NEB: variants seen among roughly 807,000 people sequenced by gnomAD.
The protein encoded by NEB is nebulin.
A neutral mutation model predicts 952.2 loss-of-function variants in NEB; 512 were observed. The observed-to-expected ratio is 0.54, with a 90% CI of 0.50 to 0.58. The LOEUF is 0.58. NEB is among the 20% of genes least tolerant of loss of function. The probability of loss-of-function intolerance (pLI) is 0.00; values close to 1 mark genes in which losing one functional copy is unlikely to be tolerated. For missense variants in NEB, 8,428 were observed against 9,231.1 expected (o/e 0.91, Z 3.56); for synonymous variants, 2,900 against 3,149.8 (o/e 0.92, Z 2.66).
At chr2:151,667,695 T>C (rs963694976) in intron 40 of NEB, 109 bp downstream of exon 40, 4 of 369,888 alleles carry the variant, frequency 1.1e-5, no homozygotes, top group African/African-American at 2.2e-5. Flanking sequence ...ATCTGGCTAA[T>C]TTTTTTTTTT....
chr2:151,509,024 T>G (rs1278986111), intron 161 of NEB, among the ~76,000 whole-genome samples: 1 of 152,228 alleles, frequency 6.6e-6, no homozygotes, highest in Non-Finnish European at 1.5e-5. Flanking sequence ...AAGTTTTAGT[T>G]TGTAGGGCTG....
chr2:151,694,894 GA>G (rs1347486152), intron 18 of NEB, among the ~76,000 whole-genome samples: 1 of 152,040 alleles, frequency 6.6e-6, no homozygotes, highest in Non-Finnish European at 1.5e-5. Flanking sequence ...TCCTAACACT[GA>G]ATGTTTTATA....
At position 151,485,936 on chromosome 2, in the gene NEB, A is replaced by G. The variant is rs1222497271; in HGVS notation, c.25405-3T>C. ...TCATACATGGCACGGAAGATTTTCTATTCGTGGGGATGGAAAAGGGGAAAT... is the reference window on the plus strand; with the variant it reads ...TCATACATGGCACGGAAGATTTTCTGTTCGTGGGGATGGAAAAGGGGAAAT... On this transcript the variant is annotated splice_polypyrimidine_tract_variant and splice_region_variant and intron_variant, in intron 181 of 181. Coordinates refer to ENST00000397345, the MANE Select transcript of NEB (RefSeq NM_001164508.2). 4.3e-6 allele frequency: 7 copies of G among 1,613,522 alleles called. No homozygotes were observed. The highest frequency in any genetic ancestry group is 1.7e-5 in the Admixed American group (1 of 60,004).
At chr2:151,665,654 T>C (rs1020428315) in intron 41 of NEB, 115 bp from the exon 42 acceptor site, 9 of 884,952 alleles carry the variant, frequency 1.0e-5, no homozygotes, top group African/African-American at 1.7e-5. Context: ...GGGAGAATAA[T>C]CTGCTTTTTA....
rs573135393 is a variant in NEB, at chr2:151,625,109, T to C, written c.10452+425A>G. 3.3e-5 allele frequency among the ~76,000 whole-genome samples: 5 copies of C among 152,334 alleles called. No individual in the cohort carries two copies. In the East Asian group the frequency reaches 9.6e-4, roughly 29 times the overall value. On this transcript the variant is annotated intron_variant, in intron 71 of 181. Coordinates refer to ENST00000397345, the MANE Select transcript of NEB (RefSeq NM_001164508.2). Reference sequence around the variant, plus strand: ...TTCACACTGGGCATGTTAAATATTTTACCTCATTTAGTCATTCTTTAAAAA... The same window carrying C: ...TTCACACTGGGCATGTTAAATATTTCACCTCATTTAGTCATTCTTTAAAAA...
At chr2:151,695,375 G>C (rs114945675) in intron 18 of NEB, among the ~76,000 whole-genome samples, 5,202 of 152,220 alleles carry the variant, frequency 0.034, 122 homozygotes, top group Non-Finnish European at 0.054. Context: ...TTATCTAATT[G>C]TATGAAATTA....
At chr2:151,525,423 C>G (rs1425966756) in intron 150 of NEB, 150 bp from the exon 151 acceptor site, 1 of 631,538 alleles carries the variant, frequency 1.6e-6, no homozygotes, top group Non-Finnish European at 2.8e-6. Context: ...TAGTTCTTCT[C>G]TGTCATTTGT....
intron 43 of NEB, 55 bp downstream of exon 43, chr2:151,664,704 A>T (rs1452861545): frequency 9.8e-6 from 15 of 1,531,380 alleles, no homozygotes; most frequent in Non-Finnish European, 1.3e-5. Context: ...TGCAGACATA[A>T]GTATCAGTTC....
Position 151,709,775 on chromosome 2 carries a change from C to T in NEB, c.928-12G>A, listed in dbSNP as rs1371111999. The stretch of plus-strand genomic sequence containing the variant: ...TCCTGGTATTTCCTCTGTAAGACAT[C>T]AGACAAGCTGAAGAACTGCTGTGGA... On this transcript the variant is annotated splice_polypyrimidine_tract_variant and intron_variant, in intron 11 of 181. Transcript: ENST00000397345. The T allele has an allele frequency of 5.8e-6, 9 of 1,557,346 alleles. No individual in the cohort carries two copies. The highest frequency in any genetic ancestry group is 7.9e-6 in the Non-Finnish European group (9 of 1,140,846).
At chr2:151,537,026 G>A in intron 141 of NEB, 106 bp downstream of exon 141, 1 of 653,414 alleles carries the variant, frequency 1.5e-6, no homozygotes. Context: ...AGGTCTAGAA[G>A]CCATGATAGG....
At chr2:151,520,501 T>C (rs1408048174) in intron 153 of NEB, among the ~76,000 whole-genome samples, 1 of 152,196 alleles carries the variant, frequency 6.6e-6, no homozygotes, top group Non-Finnish European at 1.5e-5. Flanking sequence ...CTTGCACTAA[T>C]AGTTGCTCAA....
intron 58 of NEB, 58 bp downstream of exon 58, chr2:151,643,085 ACAGACTT>A (rs1256558117): frequency 6.7e-7 from 1 of 1,487,000 alleles, no homozygotes; most frequent in Non-Finnish European, 9.3e-7. Context: ...TTTTATACAA[ACAGACTT>A]CAGTGTTTCC....
chr2:151,702,693 G>A (rs1345639472), intron 13 of NEB, among the ~76,000 whole-genome samples: 4 of 151,726 alleles, frequency 2.6e-5, no homozygotes, highest in Non-Finnish European at 5.9e-5. Flanking sequence ...TGCAACCCCT[G>A]CCTTTTTTTT....
chr2:151,675,976 T>C (rs1018238986), intron 34 of NEB, among the ~76,000 whole-genome samples: 14 of 152,216 alleles, frequency 9.2e-5, no homozygotes, highest in Non-Finnish European at 1.9e-4. Context: ...AAGTATGTGA[T>C]GCAGAAATCT....
intron 5 of NEB, among the ~76,000 whole-genome samples, chr2:151,727,477 G>T (rs886925051): frequency 1.3e-5 from 2 of 152,164 alleles, no homozygotes; most frequent in African/African-American, 2.4e-5. Context: ...TTGCAGGAAT[G>T]ATTTCAATAA....
intron 181 of NEB, among the ~76,000 whole-genome samples, chr2:151,489,419 G>C (rs991325121): frequency 4.6e-5 from 7 of 152,144 alleles, no homozygotes; most frequent in African/African-American, 1.7e-4. Context: ...TGATTTTTGA[G>C]ACAGGGTCTC....
chr2:151,614,550 T>A lies in NEB; in HGVS notation c.11327A>T (p.His3776Leu). Residue 3776 changes from histidine to leucine, a missense_variant, in exon 77 of 182, where the codon CAC becomes CTC. His to Leu is a moderately conservative substitution (Grantham distance 99, BLOSUM62 -3). This residue lies in a region of NEB where 1,772 missense variants were observed against 1,960.3 expected (regional missense o/e 0.90). Coordinates refer to ENST00000397345, the MANE Select transcript of NEB (RefSeq NM_001164508.2). ...YKEGYRKQLG[H>L]HIGARNIKDD... The stretch of plus-strand genomic sequence containing the variant: ...CTTAATGTTCCGGGCCCCAATATGG[T>A]GGCCAAGCTGTTTGCGGTAGCCTTC... The A allele has an allele frequency of 1.2e-6, 2 of 1,613,838 alleles. No individual in the cohort carries two copies. The highest frequency in any genetic ancestry group is 1.7e-6 in the Non-Finnish European group (2 of 1,179,798).
intron 3 of NEB, 124 bp downstream of exon 3, chr2:151,732,997 A>C: frequency 1.3e-6 from 1 of 797,060 alleles, no homozygotes; most frequent in Non-Finnish European, 2.0e-6. Flanking sequence ...CTTATGCTTT[A>C]AATGATGACT....
intron 11 of NEB, 102 bp from the exon 12 acceptor site, chr2:151,709,865 C>T: frequency 1.2e-6 from 1 of 834,080 alleles, no homozygotes; most frequent in Non-Finnish European, 2.0e-6. Context: ...CAATGCCACC[C>T]TGTCCTTGGT....
Sources: gnomAD v4.1 joint callset for allele counts (sites outside exome capture counted in the v4.1 genomes callset) on GRCh38, gnomAD v4.1.1 for gene constraint, gnomAD v4.1.1 regional missense constraint, MANE v1.5 for transcripts, NCBI Gene and HGNC (gene_info 2026-07-23, HGNC 2026-07-21) for gene names.